The following BTBD9 variants were observed in gnomAD, a reference collection of about 807,000 sequenced individuals.
The protein encoded by BTBD9 is BTB domain containing 9.
In BTBD9, 49 loss-of-function variants were observed where a neutral mutation model predicts 64.3. The ratio of observed to expected loss-of-function variants is 0.76; its 90% CI spans 0.61 to 0.97. The LOEUF (loss-of-function observed/expected upper bound fraction) is 0.97. BTBD9 is among the 50% of genes least tolerant of loss of function. The pLI, the probability that BTBD9 is intolerant of heterozygous loss-of-function variation, is 0.00. For synonymous variants in BTBD9, 260 were observed against 274.7 expected (o/e 0.95, Z 0.53); for missense variants, 598 against 762.1 (o/e 0.78, Z 2.53).
At chr6:38,394,515 G>A (rs1389057441) in intron 6 of BTBD9, among the ~76,000 whole-genome samples, 1 of 152,180 alleles carries the variant, frequency 6.6e-6, no homozygotes, top group African/African-American at 2.4e-5. Flanking sequence ...TTTTACAGAT[G>A]CATCATACAG....
intron 9 of BTBD9, among the ~76,000 whole-genome samples, chr6:38,207,572 G>A (rs1389833851): frequency 6.6e-6 from 1 of 152,120 alleles, no homozygotes; most frequent in East Asian, 1.9e-4. Flanking sequence ...GCAGTGAGCC[G>A]TGACTGCACT....
intron 9 of BTBD9, among the ~76,000 whole-genome samples, chr6:38,255,136 C>T (rs892240177): frequency 2.0e-5 from 3 of 152,116 alleles, no homozygotes; most frequent in African/African-American, 4.8e-5. Context: ...AAACACTATG[C>T]TAAGTGAAAG....
Position 38,217,691 on chromosome 6 carries a change from T to G in BTBD9, c.1563-25094A>C, listed in dbSNP as rs929360070. On this transcript the variant is annotated intron_variant, in intron 9 of 10. Transcript: ENST00000481247. ...GGTTTTTTAAACATTATTATTTTTTTCTTTTTTCTTTTTTTTTTTTTAACT... is the reference window on the plus strand; with the variant it reads ...GGTTTTTTAAACATTATTATTTTTTGCTTTTTTCTTTTTTTTTTTTTAACT... 2.3e-4 allele frequency among the ~76,000 whole-genome samples: 34 copies of G among 144,846 alleles called. 1 individual carries two copies. The highest frequency in any genetic ancestry group is 6.8e-5 in the Admixed American group (1 of 14,730).
chr6:38,577,015 G>A (rs1776069456), intron 6 of BTBD9, among the ~76,000 whole-genome samples: 1 of 152,090 alleles, frequency 6.6e-6, no homozygotes, highest in Non-Finnish European at 1.5e-5. Context: ...GAGGTGCTCT[G>A]GCTGAAGAGA....
intron 2 of BTBD9, 123 bp downstream of exon 2, chr6:38,597,787 A>G (rs1313023351): frequency 2.6e-6 from 2 of 781,638 alleles, no homozygotes; most frequent in African/African-American, 3.5e-5. Context: ...ATCTTCATAG[A>G]TATTGAATTG....
chr6:38,418,838 A>C (rs1767786424), intron 6 of BTBD9, among the ~76,000 whole-genome samples: 1 of 152,174 alleles, frequency 6.6e-6, no homozygotes, highest in African/African-American at 2.4e-5. Flanking sequence ...AACTGTGCAC[A>C]GTGGCGCGTG....
intron 6 of BTBD9, among the ~76,000 whole-genome samples, chr6:38,488,210 C>T (rs1562253283): frequency 6.6e-6 from 1 of 152,056 alleles, no homozygotes; most frequent in South Asian, 2.1e-4. Context: ...TTCGGCCCCC[C>T]AAAAGTGTAA....
intron 7 of BTBD9, among the ~76,000 whole-genome samples, chr6:38,336,369 A>T (rs1582252076): frequency 6.6e-6 from 1 of 152,196 alleles, no homozygotes; most frequent in Admixed American, 6.5e-5. Flanking sequence ...TAAAGAAAAG[A>T]GGTTTAATTG....
At chr6:38,326,067 A>G (rs1346821626) in intron 7 of BTBD9, among the ~76,000 whole-genome samples, 1 of 152,082 alleles carries the variant, frequency 6.6e-6, no homozygotes, top group African/African-American at 2.4e-5. Flanking sequence ...GACTAGGGGT[A>G]GGGGGGGTCA....
chr6:38,185,566 G>A (rs929803329), intron 10 of BTBD9, among the ~76,000 whole-genome samples: 6 of 151,954 alleles, frequency 3.9e-5, no homozygotes, highest in East Asian at 1.9e-4. Context: ...ATTAGTTAAC[G>A]TCTCTCAGCC....
intron 6 of BTBD9, among the ~76,000 whole-genome samples, chr6:38,498,222 C>T (rs1247134541): frequency 6.6e-6 from 1 of 152,156 alleles, no homozygotes; most frequent in Non-Finnish European, 1.5e-5. Flanking sequence ...TCCAACCTAT[C>T]CCAGTTTTTC....
intron 1 of BTBD9, among the ~76,000 whole-genome samples, chr6:38,613,962 C>T (rs1266837862): frequency 6.6e-6 from 1 of 152,168 alleles, no homozygotes; most frequent in African/African-American, 2.4e-5. Context: ...CAAGTCTCAC[C>T]AGAACGCTTA....
chr6:38,624,400 C>T (rs1418503060), intron 1 of BTBD9, among the ~76,000 whole-genome samples: 1 of 152,106 alleles, frequency 6.6e-6, no homozygotes, highest in African/African-American at 2.4e-5. Flanking sequence ...TCTTTAAGAG[C>T]TGTAACACTC....
intron 6 of BTBD9, among the ~76,000 whole-genome samples, chr6:38,367,028 A>G (rs1450523252): frequency 6.6e-6 from 1 of 152,194 alleles, no homozygotes; most frequent in Non-Finnish European, 1.5e-5. Flanking sequence ...TTTTTCTTGA[A>G]GTGCACAAAG....
chr6:38,586,330 A>G (rs1280800172), intron 4 of BTBD9, among the ~76,000 whole-genome samples: 1 of 152,166 alleles, frequency 6.6e-6, no homozygotes, highest in African/African-American at 2.4e-5. Context: ...AATGTTCATC[A>G]TTATATATGC....
chr6:38,468,498 G>GT (rs1770497228), intron 6 of BTBD9, among the ~76,000 whole-genome samples: 1 of 152,062 alleles, frequency 6.6e-6, no homozygotes, highest in East Asian at 1.9e-4. Context: ...TATAAATATC[G>GT]TAAGGAAACC....
intron 10 of BTBD9, among the ~76,000 whole-genome samples, chr6:38,176,958 A>G (rs995139449): frequency 1.3e-5 from 2 of 152,110 alleles, no homozygotes; most frequent in Non-Finnish European, 2.9e-5. Context: ...CCCCCCCACT[A>G]AAGCTTCTCA....
chr6:38,399,636 A>AT (rs67093091), intron 6 of BTBD9, among the ~76,000 whole-genome samples: 62,015 of 151,614 alleles, frequency 0.41, 15,856 homozygotes, highest in East Asian at 0.95. Context: ...AACAACCTAG[A>AT]TTTTTTTTTA....
Position 38,593,910 on chromosome 6 carries a change from A to G in BTBD9, c.549+54T>C, listed in dbSNP as rs1007002584. The G allele has an allele frequency of 6.4e-6, 9 of 1,404,972 alleles. No individual in the cohort carries two copies. The African/African-American group carries it at 1.1e-4, about 18-fold the overall frequency. The allele number at this position is 1,404,972 out of a possible 1,614,324, so 87.0% of individuals were successfully genotyped here. On this transcript the variant is annotated intron_variant, in intron 3 of 10. Coordinates refer to ENST00000481247, the MANE Select transcript of BTBD9 (RefSeq NM_001099272.2). The stretch of plus-strand genomic sequence containing the variant: ...GTCCATTGCTATACTTCTACAGTAT[A>G]GGTATAAATAAAACAATGCATGCCT...
Sources: gnomAD v4.1 joint callset for allele counts (sites outside exome capture counted in the v4.1 genomes callset) on GRCh38, gnomAD v4.1.1 for gene constraint, MANE v1.5 for transcripts, NCBI Gene and HGNC (gene_info 2026-07-23, HGNC 2026-07-21) for gene names.